Variants in IDI1 observed in about 807,000 individuals in gnomAD.
The protein encoded by IDI1 is isopentenyl-diphosphate Delta-isomerase 1.
A neutral mutation model predicts 32.9 loss-of-function variants in IDI1; 23 were observed. The ratio of observed to expected loss-of-function variants is 0.70; its 90% CI spans 0.50 to 0.99. The LOEUF (loss-of-function observed/expected upper bound fraction) is 0.99. Among genes scored for constraint, IDI1 ranks in the 50% least tolerant of loss-of-function variants. The pLI is 0.00. For synonymous variants in IDI1, 133 were observed against 128.2 expected (o/e 1.04, Z -0.25); for missense variants, 326 against 351.9 (o/e 0.93, Z 0.59).
At chr10:1,049,141 C>A (rs1832907297), upstream of IDI1, 35 of 1,368,428 alleles carry the variant, frequency 2.6e-5, no homozygotes, top group South Asian at 5.0e-4. Context: ...CGGGCTCTGG[C>A]GCCTTTAAGG....
rs1771423219 is a variant in IDI1, at chr10:1,040,033, C to T, written c.*1154G>A. 1 of 152,048 alleles carries T rather than the reference C, an allele frequency of 6.6e-6. No homozygotes were observed. Among genetic ancestry groups the T allele is most frequent in the Non-Finnish European group, 1.5e-5 (1 of 68,024 alleles). 9.4% of individuals were successfully genotyped at this position (152,048 alleles called of 1,614,324 possible). On this transcript the variant is annotated 3_prime_UTR_variant, in exon 5 of 5. Transcript: ENST00000381344. ...TGAATTTAACAAACATTTAACTTTGCAAGAAATAAATTTTTATTTTTCTTC... is the reference window on the plus strand; with the variant it reads ...TGAATTTAACAAACATTTAACTTTGTAAGAAATAAATTTTTATTTTTCTTC...
chr10:1,043,414 A>T, intron 2 of IDI1, 21 bp from the exon 3 acceptor site: 1 of 1,493,382 alleles, frequency 6.7e-7, no homozygotes, highest in East Asian at 2.3e-5. Flanking sequence ...AAGAAATAAC[A>T]ATTATTTTAG....
intron 4 of IDI1, 37 bp downstream of exon 4, chr10:1,042,595 G>C: frequency 1.2e-6 from 2 of 1,608,404 alleles, no homozygotes; most frequent in South Asian, 1.1e-5. Context: ...GTATGTTTAG[G>C]TTTCAGCTTG....
intron 1 of IDI1, among the ~76,000 whole-genome samples, chr10:1,046,036 G>C (rs984725386): frequency 6.6e-6 from 1 of 152,210 alleles, no homozygotes; most frequent in Non-Finnish European, 1.5e-5. Context: ...CTCAATTTTA[G>C]AAAGATTTCC....
At chr10:1,054,368 G>A in the IDI1 span, among the ~76,000 whole-genome samples, 14 of 152,342 alleles carry the variant, frequency 9.2e-5, no homozygotes, top group Admixed American at 2.6e-4. Context: ...TAACACTATA[G>A]TGTACTATCC....
intron 1 of IDI1, chr10:1,048,521 G>T: frequency 7.9e-7 from 1 of 1,266,892 alleles, no homozygotes; most frequent in Non-Finnish European, 1.0e-6. Context: ...GGGGAGACTC[G>T]CAACTCTTAG....
chr10:1,043,518 C>T, intron 2 of IDI1, 125 bp from the exon 3 acceptor site: 1 of 726,586 alleles, frequency 1.4e-6, no homozygotes, highest in Non-Finnish European at 2.5e-6. Context: ...ATGGTTTATC[C>T]ACATGCATAG....
intron 1 of IDI1, chr10:1,048,579 G>A (rs1832875209): frequency 7.3e-7 from 1 of 1,361,338 alleles, no homozygotes. Context: ...AACCTCAGGT[G>A]ACTGTGCGCA....
Position 1,040,937 on chromosome 10 carries a change from C to T in IDI1, c.*250G>A. On this transcript the variant is annotated 3_prime_UTR_variant, in exon 5 of 5. Coordinates refer to ENST00000381344, the MANE Select transcript of IDI1 (RefSeq NM_004508.4). Reference sequence around the variant, plus strand: ...AAATTAAGTTTTATTTGCTCGCTCTCATTTTACAATAATCTCTCACAAATG... The same window carrying T: ...AAATTAAGTTTTATTTGCTCGCTCTTATTTTACAATAATCTCTCACAAATG... The T allele has an allele frequency of 2.7e-6, 1 of 364,580 alleles. No homozygotes were observed. The allele number at this position is 364,580 out of a possible 1,614,324, so 22.6% of individuals were successfully genotyped here. A position where few individuals can be genotyped will look rare whatever the true frequency, so the allele number is the denominator to read the frequency against.
chr10:1,050,334 TC>T (rs1182576584), upstream of IDI1, among the ~76,000 whole-genome samples: 1 of 152,224 alleles, frequency 6.6e-6, no homozygotes, highest in Non-Finnish European at 1.5e-5. Context: ...GATAAGAAAA[TC>T]TGGCCTCCCG....
At chr10:1,050,025 G>A (rs147594519), upstream of IDI1, among the ~76,000 whole-genome samples, 1,119 of 152,306 alleles carry the variant, frequency 7.3e-3, 19 homozygotes, top group African/African-American at 0.025. Flanking sequence ...TACCTTTTGT[G>A]TGGAATTTAA....
At chr10:1,051,234 C>G (rs1428650182), upstream of IDI1, among the ~76,000 whole-genome samples, 1 of 152,200 alleles carries the variant, frequency 6.6e-6, no homozygotes, top group African/African-American at 2.4e-5. Context: ...CACTAGTAAT[C>G]TCATCAGAAA....
the IDI1 span, among the ~76,000 whole-genome samples, chr10:1,054,648 C>T: frequency 2.0e-5 from 3 of 152,136 alleles, no homozygotes; most frequent in Non-Finnish European, 2.9e-5. Flanking sequence ...TTTATAATTT[C>T]GGCTAGTTTT....
Position 1,043,410 on chromosome 10 carries a change from T to G in IDI1, c.314-17A>C. 6.6e-7 allele frequency: 1 copy of G among 1,519,558 alleles called. No individual in the cohort carries two copies. Among genetic ancestry groups the G allele is most frequent in the Non-Finnish European group, 9.1e-7 (1 of 1,094,126 alleles). The allele number at this position is 1,519,558 out of a possible 1,614,324, so 94.1% of individuals were successfully genotyped here. On this transcript the variant is annotated splice_polypyrimidine_tract_variant and intron_variant, in intron 2 of 4. Coordinates refer to ENST00000381344, the MANE Select transcript of IDI1 (RefSeq NM_004508.4). ...GCAATAATCCTGAAAGCAAAAGAAA[T>G]AACAATTATTTTAGCCTTAAGTACC...
chr10:1,051,361 A>G (rs142912066), upstream of IDI1, among the ~76,000 whole-genome samples: 71 of 152,342 alleles, frequency 4.7e-4, 1 homozygote, highest in East Asian at 0.012. Flanking sequence ...AAATTCCAAC[A>G]TTATTGGCAA....
chr10:1,055,152 C>T, the IDI1 span, among the ~76,000 whole-genome samples: 407 of 152,352 alleles, frequency 2.7e-3, no homozygotes, highest in Non-Finnish European at 4.3e-3. Context: ...GATTCTGATG[C>T]CAGCCTTTAG....
intron 4 of IDI1, 129 bp downstream of exon 4, chr10:1,042,503 G>A: frequency 2.4e-6 from 2 of 829,936 alleles, no homozygotes; most frequent in Non-Finnish European, 4.1e-6. Flanking sequence ...AAGATGGTTT[G>A]TGGGGCTAAC....
the IDI1 span, among the ~76,000 whole-genome samples, chr10:1,055,677 G>C: frequency 6.6e-6 from 1 of 150,586 alleles, no homozygotes; most frequent in African/African-American, 2.4e-5. Flanking sequence ...TAGTGATAAA[G>C]TTTTATTAAT....
chr10:1,049,313 C>A (rs1194503995), upstream of IDI1: 2 of 403,442 alleles, frequency 5.0e-6, no homozygotes. Flanking sequence ...GGCTCGCGTT[C>A]CATGGAGGAA....
Sources: gnomAD v4.1 joint callset for allele counts (sites outside exome capture counted in the v4.1 genomes callset) on GRCh38, gnomAD v4.1.1 for gene constraint, MANE v1.5 for transcripts, NCBI Gene and HGNC (gene_info 2026-07-23, HGNC 2026-07-21) for gene names.